Variants in PREX1 observed in about 807,000 individuals in gnomAD.
The protein encoded by PREX1 is phosphatidylinositol-3,4,5-trisphosphate dependent Rac exchange factor 1, also known as phosphatidylinositol 3,4,5-trisphosphate-dependent Rac exchanger 1 protein.
PREX1 carries 41 observed loss-of-function variants against 198.3 expected under a neutral mutation model. That is an observed-to-expected ratio of 0.21 (90% CI 0.16 to 0.27). PREX1 has a LOEUF of 0.27. PREX1 is among the 10% of genes least tolerant of loss of function. PREX1 has a pLI of 1.00. For missense variants in PREX1, 1,620 were observed against 2,200.7 expected (o/e 0.74, Z 5.28); for synonymous variants, 843 against 887.2 (o/e 0.95, Z 0.89).
chr20:48,692,830 C>CT (rs2089826440), intron 7 of PREX1, 40 bp from the exon 8 acceptor site: 1 of 1,528,158 alleles, frequency 6.5e-7, no homozygotes, highest in Non-Finnish European at 9.1e-7. Flanking sequence ...TACACGTCAC[C>CT]TCCCAGATGC....
intron 1 of PREX1, among the ~76,000 whole-genome samples, chr20:48,792,271 G>A (rs1257894990): frequency 6.6e-6 from 1 of 152,100 alleles, no homozygotes; most frequent in African/African-American, 2.4e-5. Context: ...AGGAGTTCGA[G>A]ACCAGCCTGA....
chr20:48,845,349 G>A, the PREX1 span, among the ~76,000 whole-genome samples: 2 of 152,166 alleles, frequency 1.3e-5, no homozygotes, highest in Non-Finnish European at 2.9e-5. Context: ...GCTTCCATAG[G>A]CAGGTAATAA....
the PREX1 span, among the ~76,000 whole-genome samples, chr20:48,885,569 T>G: frequency 2.0e-5 from 3 of 152,176 alleles, no homozygotes; most frequent in Non-Finnish European, 4.4e-5. Flanking sequence ...CCCAAAGGAA[T>G]TGAAAACGTA....
the PREX1 span, among the ~76,000 whole-genome samples, chr20:48,869,317 T>C: frequency 7.8e-6 from 1 of 127,772 alleles, no homozygotes; most frequent in Non-Finnish European, 1.7e-5. Flanking sequence ...TTTTTTTTTT[T>C]AGACGGGGTC....
chr20:48,794,610 G>A lies in PREX1; in HGVS notation c.219+33032C>T, dbSNP rs1568866671. 2.6e-5 allele frequency among the ~76,000 whole-genome samples: 4 copies of A among 152,318 alleles called. No homozygotes were observed. In the South Asian group the frequency reaches 8.3e-4, roughly 32 times the overall value. Reference sequence around the variant, plus strand: ...TGCCAGGGCAGCCTCTGCAGAGGAGGAGGCCGGCTGGTCAGGCTGGGGGCT... The same window carrying A: ...TGCCAGGGCAGCCTCTGCAGAGGAGAAGGCCGGCTGGTCAGGCTGGGGGCT... On this transcript the variant is annotated intron_variant, in intron 1 of 39. Transcript: ENST00000371941.
At chr20:48,637,992 A>C (rs1357011223) in intron 30 of PREX1, among the ~76,000 whole-genome samples, 1 of 152,176 alleles carries the variant, frequency 6.6e-6, no homozygotes, top group East Asian at 1.9e-4. Context: ...CAAGCCTGGG[A>C]CACAGATGGA....
At chr20:48,833,526 C>G in the PREX1 span, among the ~76,000 whole-genome samples, 1 of 150,512 alleles carries the variant, frequency 6.6e-6, no homozygotes, top group South Asian at 2.1e-4. Context: ...ACTGCAACCT[C>G]AGCCTCCTGG....
At position 48,626,189 on chromosome 20, in the gene PREX1, G is replaced by A. The variant is rs572677105; in HGVS notation, c.4938-262C>T. Among the ~76,000 whole-genome samples the A allele has an allele frequency of 9.0e-4, 137 of 152,362 alleles. 2 individuals are homozygous for A. The highest frequency in any genetic ancestry group is 5.9e-5 in the Non-Finnish European group (4 of 68,042). The stretch of plus-strand genomic sequence containing the variant: ...CAGGTGCACGTGTGCGTTCAGCCAT[G>A]TGGGGGTGGGGTGCACATTCCACAC... On this transcript the variant is annotated intron_variant, in intron 39 of 39. Transcript: ENST00000371941.
intron 5 of PREX1, among the ~76,000 whole-genome samples, chr20:48,725,048 T>C (rs962028530): frequency 6.6e-6 from 1 of 152,220 alleles, no homozygotes; most frequent in Non-Finnish European, 1.5e-5. Context: ...AGCAAAGTCC[T>C]GTGTTCGTGG....
chr20:48,639,638 C>T, intron 30 of PREX1, 128 bp downstream of exon 30: 1 of 1,403,664 alleles, frequency 7.1e-7, no homozygotes, highest in South Asian at 1.4e-5. Context: ...GGCATCACTT[C>T]TCTTGTCCTC....
chr20:48,810,585 TAAAAAA>T (rs760906489), intron 1 of PREX1, among the ~76,000 whole-genome samples: 1 of 77,570 alleles, frequency 1.3e-5, no homozygotes, highest in South Asian at 3.9e-4. Context: ...TCACCTCAAT[TAAAAAA>T]AAAAAAAAAA....
intron 1 of PREX1, among the ~76,000 whole-genome samples, chr20:48,809,977 T>C (rs1301373754): frequency 6.6e-6 from 1 of 152,160 alleles, no homozygotes; most frequent in Non-Finnish European, 1.5e-5. Context: ...CCCCTTTTCA[T>C]CTCAAAGAAC....
At chr20:48,711,121 C>CT (rs2089928906) in intron 5 of PREX1, among the ~76,000 whole-genome samples, 1 of 152,204 alleles carries the variant, frequency 6.6e-6, no homozygotes, top group Admixed American at 6.5e-5. Context: ...CCAGTTATGG[C>CT]TACTGCCAAA....
At chr20:48,797,556 C>T (rs952817156) in intron 1 of PREX1, among the ~76,000 whole-genome samples, 9 of 152,116 alleles carry the variant, frequency 5.9e-5, no homozygotes, top group Admixed American at 1.3e-4. Context: ...AAAAAGAGGC[C>T]CACAGCGCTG....
the PREX1 span, among the ~76,000 whole-genome samples, chr20:48,836,228 T>G: frequency 6.6e-6 from 1 of 152,128 alleles, no homozygotes; most frequent in Non-Finnish European, 1.5e-5. Context: ...TCCACAATCC[T>G]GAGGTTCCAG....
At chr20:48,737,843 G>C (rs551786745) in intron 3 of PREX1, among the ~76,000 whole-genome samples, 1 of 152,228 alleles carries the variant, frequency 6.6e-6, no homozygotes, top group African/African-American at 2.4e-5. Flanking sequence ...AGCAGAGCCT[G>C]AGATCAGAGA....
At chr20:48,883,561 G>A in the PREX1 span, among the ~76,000 whole-genome samples, 1 of 151,978 alleles carries the variant, frequency 6.6e-6, no homozygotes, top group African/African-American at 2.4e-5. Context: ...TGGGATATAA[G>A]ATCAACATAC....
intron 6 of PREX1, among the ~76,000 whole-genome samples, chr20:48,707,339 C>A (rs747147183): frequency 6.6e-6 from 1 of 152,166 alleles, no homozygotes; most frequent in Admixed American, 6.5e-5. Flanking sequence ...GCAGAAAGAG[C>A]GCAGGGGACA....
At chr20:48,835,202 T>C in the PREX1 span, among the ~76,000 whole-genome samples, 1 of 152,224 alleles carries the variant, frequency 6.6e-6, no homozygotes, top group African/African-American at 2.4e-5. Context: ...TTCCTTGCGC[T>C]GAAACAGCAC....
Sources: allele counts gnomAD v4.1 joint callset (sites outside exome capture counted in the v4.1 genomes callset), GRCh38; gene constraint gnomAD v4.1.1; transcripts MANE v1.5; gene names NCBI Gene and HGNC (gene_info 2026-07-23, HGNC 2026-07-21).